ERP29: variants seen among roughly 807,000 people sequenced by gnomAD.
The protein encoded by ERP29 is endoplasmic reticulum resident protein 29.
A neutral mutation model predicts 21.7 loss-of-function variants in ERP29; 14 were observed. The ratio of observed to expected loss-of-function variants is 0.64; its 90% CI spans 0.43 to 1.01. The LOEUF (loss-of-function observed/expected upper bound fraction) is 1.01, where lower values mean the gene tolerates loss of function less well. Among genes scored for constraint, ERP29 ranks in the 50% least tolerant of loss-of-function variants. The probability of loss-of-function intolerance (pLI) is 0.00; values close to 1 mark genes in which losing one functional copy is unlikely to be tolerated. For synonymous variants in ERP29, 129 were observed against 139.1 expected (o/e 0.93, Z 0.51); for missense variants, 286 against 327.3 (o/e 0.87, Z 0.97).
At position 112,019,798 on chromosome 12, in the gene ERP29, C is replaced by CA. The variant is rs753484365; in HGVS notation, c.188dup (p.Tyr64ValfsTer5). ...GTTCGTCTTGGTGAAGTTCGACACC[C>CA]AGTACCCCTACGGTGAGAAGCAGGA... On this transcript the variant is annotated frameshift_variant, in exon 2 of 3. Transcript: ENST00000261735. LOFTEE classifies it high-confidence loss of function. 2 of 1,614,110 alleles carry CA rather than the reference C, an allele frequency of 1.2e-6. No homozygotes were observed. The highest frequency in any genetic ancestry group is 3.3e-5 in the Admixed American group (2 of 60,012).
chr12:112,019,636 G>C, intron 1 of ERP29, 120 bp from the exon 2 acceptor site: 1 of 1,154,544 alleles, frequency 8.7e-7, no homozygotes, highest in Non-Finnish European at 1.3e-6. Context: ...TAGTTTGTGA[G>C]AGCTTGCCTC....
intron 2 of ERP29, among the ~76,000 whole-genome samples, chr12:112,020,802 A>G (rs1175028258): frequency 1.3e-5 from 2 of 152,208 alleles, no homozygotes; most frequent in African/African-American, 2.4e-5. Flanking sequence ...AGTGTTTTAC[A>G]TGTGTTTCAT....
Position 112,019,787 on chromosome 12 carries a change from A to C in ERP29, c.176A>C (p.Lys59Thr). The C allele has an allele frequency of 6.2e-7, 1 of 1,614,078 alleles. No homozygotes were observed. The highest frequency in any genetic ancestry group is 1.6e-4 in the Middle Eastern group (1 of 6,062). Residue 59 changes from lysine (K) to threonine (T), a missense_variant, in exon 2 of 3, where the codon AAG (lysine) becomes ACG (threonine). Physicochemically the swap from Lys to Thr is moderately conservative, Grantham distance 78 (BLOSUM62 -1). Transcript: ENST00000261735. ...CCCAAAAGCAAGTTCGTCTTGGTGA[A>C]GTTCGACACCCAGTACCCCTACGGT... Reference protein sequence around the residue: ...VIPKSKFVLVKFDTQYPYGEK... With the variant: ...VIPKSKFVLVTFDTQYPYGEK...
intron 1 of ERP29, among the ~76,000 whole-genome samples, chr12:112,016,512 T>G (rs1430007320): frequency 2.6e-5 from 4 of 152,212 alleles, no homozygotes; most frequent in African/African-American, 9.6e-5. Context: ...TTATCTATAC[T>G]TTAAAGAAGT....
At position 112,022,698 on chromosome 12, in the gene ERP29, G is replaced by GA; in HGVS notation, c.*47dup. 1 of 1,552,448 alleles carries GA rather than the reference G, an allele frequency of 6.4e-7. No homozygotes were observed. The highest frequency in any genetic ancestry group is 8.7e-7 in the Non-Finnish European group (1 of 1,152,620). ...CAGGGTTTGGTGGGGGTAGGGAGGG[G>GA]AGAGTTAACCTGCTGGCTGTGAGTC... On this transcript the variant is annotated 3_prime_UTR_variant, in exon 3 of 3. Transcript: ENST00000261735.
chr12:112,013,427 C>T lies in ERP29; in HGVS notation c.-39C>T, dbSNP rs764955808. On this transcript the variant is annotated 5_prime_UTR_variant, in exon 1 of 3. Coordinates refer to ENST00000261735, the MANE Select transcript of ERP29 (RefSeq NM_006817.4). Reference sequence around the variant, plus strand: ...GACCGCTGACTCGGGGCGTTCTCCACTATCGCTTACCTACCTCCCTCTGCA... The same window carrying T: ...GACCGCTGACTCGGGGCGTTCTCCATTATCGCTTACCTACCTCCCTCTGCA... 6.3e-7 allele frequency: 1 copy of T among 1,585,290 alleles called. No individual in the cohort carries two copies. Among genetic ancestry groups the T allele is most frequent in the South Asian group, 1.2e-5 (1 of 86,846 alleles).
rs551713613 is a variant in ERP29 at position 112,013,634 on chromosome 12, C to T, written c.144+25C>T. On this transcript the variant is annotated intron_variant, in intron 1 of 2. Coordinates refer to ENST00000261735, the MANE Select transcript of ERP29 (RefSeq NM_006817.4). ...GGTAACCGGGGCGGGGGACGTCGCGCGCAGGTGCCGCCGGGGCGCCCGGAA... is the reference window on the plus strand; with the variant it reads ...GGTAACCGGGGCGGGGGACGTCGCGTGCAGGTGCCGCCGGGGCGCCCGGAA... The T allele has an allele frequency of 2.1e-5, 32 of 1,515,238 alleles. No individual in the cohort carries two copies. In the East Asian group the frequency reaches 7.1e-4, roughly 34 times the overall value. The allele number at this position is 1,515,238 out of a possible 1,614,324, so 93.9% of individuals were successfully genotyped here.
intron 1 of ERP29, 74 bp from the exon 2 acceptor site, chr12:112,019,682 G>T: frequency 6.4e-7 from 1 of 1,565,882 alleles, no homozygotes; most frequent in South Asian, 1.1e-5. Flanking sequence ...TTCTTAAACA[G>T]GGGCCCCTTG....
In ERP29 at chr12:112,023,161, G is replaced by A. The variant is rs1033311545; in HGVS notation, c.*509G>A. ...TTCCAGTGATATTCAGACTGACATG[G>A]ATTGACTGTCAATGGTAAAGTTTGT... is the stretch of plus-strand genomic sequence containing the variant. On this transcript the variant is annotated 3_prime_UTR_variant, in exon 3 of 3. Coordinates refer to ENST00000261735, the MANE Select transcript of ERP29 (RefSeq NM_006817.4). 1 of 152,882 alleles carries A rather than the reference G, an allele frequency of 6.5e-6. No individual in the cohort carries two copies. Among genetic ancestry groups the A allele is most frequent in the African/African-American group, 2.4e-5 (1 of 41,442 alleles). 9.5% of individuals were successfully genotyped at this position (152,882 alleles called of 1,614,324 possible). A position where few individuals can be genotyped will look rare whatever the true frequency, so the allele number is the denominator to read the frequency against.
intron 2 of ERP29, among the ~76,000 whole-genome samples, chr12:112,021,514 T>A (rs984646127): frequency 1.5e-5 from 2 of 135,262 alleles, no homozygotes; most frequent in African/African-American, 6.2e-5. Flanking sequence ...AGCTTAATAG[T>A]CTTTTTTTTT....
rs180820862 is a variant in ERP29 at position 112,019,923 on chromosome 12, G to T, written c.283+29G>T. ...TGGACAAGTCCAGGACGGCTGGGGG[G>T]GCAGAGAGGGAGGAAGCTAGAAATC... On this transcript the variant is annotated intron_variant, in intron 2 of 2. Transcript: ENST00000261735. The T allele has an allele frequency of 4.9e-4, 796 of 1,612,728 alleles. 6 individuals carry two copies. The highest frequency in any genetic ancestry group is 2.6e-4 in the South Asian group (24 of 91,044).
At position 112,017,468 on chromosome 12, in the gene ERP29, T is replaced by G. The variant is rs2078018367; in HGVS notation, c.145-2288T>G. Among the ~76,000 whole-genome samples, 7 of 152,112 alleles carry G rather than the reference T, an allele frequency of 4.6e-5. No homozygotes were observed. The South Asian group carries it at 1.5e-3, about 32-fold the overall frequency. ...GCCTTGAACGATAAAGAGATAACCA[T>G]GAAAAGAACTGGGGAAAGGACATTC... On this transcript the variant is annotated intron_variant, in intron 1 of 2. Transcript: ENST00000261735.
chr12:112,019,823 A>T lies in ERP29; in HGVS notation c.212A>T (p.Asp71Val). 1 of 1,614,084 alleles carries T rather than the reference A, an allele frequency of 6.2e-7. No homozygotes were observed. The change falls in exon 2 of 3, where the codon GAT becomes GTT. Residue 71 changes from aspartate to valine, a missense_variant. Asp to Val is a radical substitution (Grantham distance 152). Transcript: ENST00000261735. ...DTQYPYGEKQ[D>V]EFKRLAENSA... ...CAGTACCCCTACGGTGAGAAGCAGG[A>T]TGAGTTCAAGCGTCTTGCTGAAAAC...
At chr12:112,017,783 CTTT>C (rs1179680378) in intron 1 of ERP29, among the ~76,000 whole-genome samples, 2 of 124,132 alleles carry the variant, frequency 1.6e-5, no homozygotes, top group Admixed American at 8.3e-5. Context: ...CTTTTTTTTT[CTTT>C]TTTTTTTTTT....
chr12:112,014,115 T>G (rs561948819), intron 1 of ERP29, among the ~76,000 whole-genome samples: 3 of 152,050 alleles, frequency 2.0e-5, no homozygotes, highest in Non-Finnish European at 4.4e-5. Flanking sequence ...TCAGATATCA[T>G]ACATCTTGAA....
chr12:112,017,986 C>T (rs952589337), intron 1 of ERP29, among the ~76,000 whole-genome samples: 5 of 151,706 alleles, frequency 3.3e-5, no homozygotes, highest in Admixed American at 6.6e-5. Context: ...GGTTTCACCA[C>T]GTTGGCCAGG....
At chr12:112,018,122 C>G (rs1466346604) in intron 1 of ERP29, among the ~76,000 whole-genome samples, 6 of 151,824 alleles carry the variant, frequency 4.0e-5, no homozygotes, top group Non-Finnish European at 8.8e-5. Context: ...AGAATTATGT[C>G]AGCTTGACAT....
chr12:112,016,464 A>T (rs1034228899), intron 1 of ERP29, among the ~76,000 whole-genome samples: 5 of 152,190 alleles, frequency 3.3e-5, no homozygotes, highest in Non-Finnish European at 5.9e-5. Flanking sequence ...GGCCTTTAGT[A>T]ACTTTTTACT....
At chr12:112,014,580 C>T (rs750710696) in intron 1 of ERP29, 1 of 152,246 alleles carries the variant, frequency 6.6e-6, no homozygotes, top group Non-Finnish European at 1.5e-5. Context: ...TCCCCCCTTC[C>T]ATTTTTGCAG....
Sources: allele counts gnomAD v4.1 joint callset (sites outside exome capture counted in the v4.1 genomes callset), GRCh38; gene constraint gnomAD v4.1.1; transcripts MANE v1.5; gene names NCBI Gene and HGNC (gene_info 2026-07-23, HGNC 2026-07-21).